Variants in GALNT2 observed in about 807,000 individuals in gnomAD.
GALNT2 encodes the protein polypeptide N-acetylgalactosaminyltransferase 2.
GALNT2 carries 31 observed loss-of-function variants against 81.4 expected under a neutral mutation model. That is an observed-to-expected ratio of 0.38 (90% CI 0.29 to 0.51). The LOEUF is 0.51. GALNT2 is among the 20% of genes least tolerant of loss of function. The probability of loss-of-function intolerance (pLI) is 0.87; values close to 1 mark genes in which losing one functional copy is unlikely to be tolerated. For synonymous variants in GALNT2, 303 were observed against 287.4 expected (o/e 1.05, Z -0.55); for missense variants, 629 against 765.7 (o/e 0.82, Z 2.11).
chr1:230,057,888 T>C (rs1431138562), upstream of GALNT2: 1 of 354,432 alleles, frequency 2.8e-6, no homozygotes, highest in African/African-American at 2.1e-5. Flanking sequence ...GGGTAGGAAA[T>C]GGGAAGGGGC....
chr1:230,063,746 T>C (rs1659103332), upstream of GALNT2, among the ~76,000 whole-genome samples: 1 of 152,258 alleles, frequency 6.6e-6, no homozygotes, highest in African/African-American at 2.4e-5. Context: ...TTTTGGGCTA[T>C]AAATTGTCCC....
intron 1 of GALNT2, among the ~76,000 whole-genome samples, chr1:230,097,489 A>G (rs1239387191): frequency 1.3e-5 from 2 of 152,202 alleles, no homozygotes; most frequent in African/African-American, 4.8e-5. Flanking sequence ...TAGTGGAATC[A>G]TACAGTATTT....
intron 2 of GALNT2, among the ~76,000 whole-genome samples, chr1:230,181,506 A>G (rs1190939115): frequency 6.6e-6 from 1 of 151,782 alleles, no homozygotes; most frequent in Non-Finnish European, 1.5e-5. Flanking sequence ...TATTTTGTTG[A>G]GAATTCCTGC....
At chr1:230,129,913 A>C (rs1661312652) in intron 1 of GALNT2, among the ~76,000 whole-genome samples, 1 of 152,262 alleles carries the variant, frequency 6.6e-6, no homozygotes, top group South Asian at 2.1e-4. Context: ...CTGGCTCCGC[A>C]GAGCAGGCAT....
intron 3 of GALNT2, among the ~76,000 whole-genome samples, chr1:230,233,410 C>T (rs1267216984): frequency 6.6e-6 from 1 of 152,126 alleles, no homozygotes; most frequent in African/African-American, 2.4e-5. Flanking sequence ...GTCAGGAGTT[C>T]GAGACCAGCC....
chr1:230,057,873 A>G (rs539615502), upstream of GALNT2: 442 of 353,846 alleles, frequency 1.2e-3, 3 homozygotes, highest in South Asian at 8.7e-3. Flanking sequence ...AACCACAGGC[A>G]GGAGGGGTAG....
chr1:230,262,697 T>C (rs1485098050), intron 12 of GALNT2, 32 bp downstream of exon 12: 1 of 1,217,088 alleles, frequency 8.2e-7, no homozygotes, highest in Non-Finnish European at 1.2e-6. Context: ...TCACAATTAC[T>C]GGGGATTCTT....
intron 1 of GALNT2, among the ~76,000 whole-genome samples, chr1:230,085,169 A>G (rs1438556650): frequency 6.6e-6 from 1 of 152,138 alleles, no homozygotes; most frequent in Non-Finnish European, 1.5e-5. Context: ...TCCTTTCACC[A>G]CTGCGGATGG....
chr1:230,153,620 G>A (rs915611739), intron 1 of GALNT2, among the ~76,000 whole-genome samples: 1 of 152,220 alleles, frequency 6.6e-6, no homozygotes, highest in Non-Finnish European at 1.5e-5. Context: ...CCAATCATCA[G>A]GCCCCTAAGT....
At chr1:230,196,151 C>A (rs1157672444) in intron 2 of GALNT2, among the ~76,000 whole-genome samples, 1 of 152,218 alleles carries the variant, frequency 6.6e-6, no homozygotes, top group Non-Finnish European at 1.5e-5. Context: ...GATTTGCAGC[C>A]ACTGGGCACA....
At chr1:230,145,015 G>A (rs1264202529) in intron 1 of GALNT2, among the ~76,000 whole-genome samples, 6 of 152,096 alleles carry the variant, frequency 3.9e-5, no homozygotes, top group Non-Finnish European at 8.8e-5. Flanking sequence ...ACCAAGCAAG[G>A]TGAGAGGCCC....
At chr1:230,147,897 T>C (rs956767869) in intron 1 of GALNT2, among the ~76,000 whole-genome samples, 2 of 152,234 alleles carry the variant, frequency 1.3e-5, no homozygotes, top group Non-Finnish European at 2.9e-5. Context: ...TGATTGCTTG[T>C]TGGAGGTTGG....
chr1:230,195,108 G>A (rs572558328), intron 2 of GALNT2, among the ~76,000 whole-genome samples: 3 of 152,236 alleles, frequency 2.0e-5, no homozygotes, highest in Admixed American at 6.5e-5. Flanking sequence ...CATTTTAAAC[G>A]GCTTTCAGTG....
At chr1:230,253,872 A>G (rs775219791) in intron 10 of GALNT2, among the ~76,000 whole-genome samples, 43 of 152,014 alleles carry the variant, frequency 2.8e-4, no homozygotes, top group Non-Finnish European at 5.7e-4. Context: ...TTTTACTTCT[A>G]TGAGATCAGT....
chr1:230,127,722 G>C (rs748180113), intron 1 of GALNT2, among the ~76,000 whole-genome samples: 1 of 142,200 alleles, frequency 7.0e-6, no homozygotes, highest in Non-Finnish European at 1.5e-5. Flanking sequence ...TGAGCCCCTC[G>C]CGGTGGTGGT....
intron 3 of GALNT2, among the ~76,000 whole-genome samples, chr1:230,230,877 C>G (rs1015862868): frequency 1.3e-5 from 2 of 152,146 alleles, no homozygotes; most frequent in South Asian, 2.1e-4. Flanking sequence ...GTTTGGTCTT[C>G]GTGGCTATCT....
chr1:230,190,498 A>T (rs540026547), intron 2 of GALNT2, among the ~76,000 whole-genome samples: 1 of 152,264 alleles, frequency 6.6e-6, no homozygotes, highest in South Asian at 2.1e-4. Context: ...TCTTTTCGTG[A>T]ATTTCTATGA....
intron 1 of GALNT2, among the ~76,000 whole-genome samples, chr1:230,074,571 C>T (rs1659475500): frequency 6.6e-6 from 1 of 152,196 alleles, no homozygotes; most frequent in Non-Finnish European, 1.5e-5. Flanking sequence ...GGTAGAGAAC[C>T]ACTGCCTTAG....
chr1:230,213,066 C>T (rs1306430242), intron 3 of GALNT2, among the ~76,000 whole-genome samples: 7 of 152,222 alleles, frequency 4.6e-5, no homozygotes, highest in Non-Finnish European at 8.8e-5. Context: ...GGCTCAGTTT[C>T]CCCATCTGTA....
Sources: gnomAD v4.1 joint callset for allele counts (sites outside exome capture counted in the v4.1 genomes callset) on GRCh38, gnomAD v4.1.1 for gene constraint, MANE v1.5 for transcripts, NCBI Gene and HGNC (gene_info 2026-07-23, HGNC 2026-07-21) for gene names.